Variants in RBL2 observed in about 807,000 individuals in gnomAD.
RBL2 encodes the protein retinoblastoma-like protein 2.
In RBL2, 56 loss-of-function variants were observed where a neutral mutation model predicts 126.0. The observed-to-expected ratio is 0.44, with a 90% CI of 0.36 to 0.56. The LOEUF (loss-of-function observed/expected upper bound fraction) is 0.56, where lower values mean the gene tolerates loss of function less well. RBL2 is among the 20% of genes least tolerant of loss of function. The pLI is 0.00. For synonymous variants in RBL2, 454 were observed against 478.5 expected (o/e 0.95, Z 0.67); for missense variants, 1,229 against 1,398.2 (o/e 0.88, Z 1.93).
At position 53,459,583 on chromosome 16, in the gene RBL2, A is replaced by G. The variant is rs775058646; in HGVS notation, c.1312A>G (p.Asn438Asp). The G allele has an allele frequency of 6.3e-7, 1 of 1,578,000 alleles. No individual in the cohort carries two copies. The highest frequency in any genetic ancestry group is 2.0e-5 in the Admixed American group (1 of 50,394). Residue 438 changes from asparagine (N) to aspartate (D), a missense_variant, in exon 9 of 22, where the codon AAT (asparagine) becomes GAT (aspartate). By Grantham distance (23) the Asn-to-Asp change is conservative (BLOSUM62 1). Transcript: ENST00000262133. ...TCACACCATGCTGACAGGCCTCAGG[A>G]ATGCACCAAGTGAGAAACTGGAACA... ...RLHTMLTGLRNAPSEKLEQIL... is the reference protein window; with the variant it reads ...RLHTMLTGLRDAPSEKLEQIL...
chr16:53,485,881 C>T (rs1038447237), intron 21 of RBL2, among the ~76,000 whole-genome samples: 1 of 148,928 alleles, frequency 6.7e-6, no homozygotes, highest in African/African-American at 2.6e-5. Context: ...AAACAAAAAA[C>T]CACCTAGGTA....
At chr16:53,457,111 G>A (rs1330821396) in intron 8 of RBL2, among the ~76,000 whole-genome samples, 1 of 151,932 alleles carries the variant, frequency 6.6e-6, no homozygotes, top group Non-Finnish European at 1.5e-5. Flanking sequence ...AGGGTTATTA[G>A]CATGTTAAAT....
intron 4 of RBL2, chr16:53,449,525 G>A (rs560901492): frequency 8.6e-5 from 13 of 150,510 alleles, no homozygotes; most frequent in African/African-American, 2.9e-4. Flanking sequence ...AACCTGGGAA[G>A]CGGAGGCTGC....
At chr16:53,465,983 C>G (rs2058269097) in intron 13 of RBL2, 1 of 154,876 alleles carries the variant, frequency 6.5e-6, no homozygotes, top group African/African-American at 2.4e-5. Context: ...TCTTTGCCTA[C>G]TATGTGTGTG....
At chr16:53,479,757 A>C (rs1416808102) in intron 18 of RBL2, 129 bp from the exon 19 acceptor site, 3 of 618,456 alleles carry the variant, frequency 4.9e-6, no homozygotes, top group African/African-American at 3.7e-5. Context: ...ATGTTTCTCA[A>C]CCTGTTCTGA....
intron 11 of RBL2, among the ~76,000 whole-genome samples, chr16:53,462,995 C>T (rs898299668): frequency 2.0e-5 from 3 of 152,210 alleles, no homozygotes; most frequent in Admixed American, 6.5e-5. Flanking sequence ...CATGTGCCAC[C>T]ATGCCCAGCT....
At chr16:53,436,561 G>T (rs1343575234) in intron 1 of RBL2, among the ~76,000 whole-genome samples, 4 of 152,224 alleles carry the variant, frequency 2.6e-5, no homozygotes, top group Admixed American at 6.5e-5. Context: ...GGGGCTTACA[G>T]TGAGGTACGC....
At chr16:53,447,160 G>T (rs1047822029) in intron 4 of RBL2, 54 bp downstream of exon 4, 31 of 1,043,084 alleles carry the variant, frequency 3.0e-5, no homozygotes, top group African/African-American at 4.9e-5. Context: ...ACATTTTCAG[G>T]TATTAATTTT....
intron 1 of RBL2, among the ~76,000 whole-genome samples, chr16:53,438,345 G>A (rs762863662): frequency 6.6e-5 from 10 of 152,176 alleles, no homozygotes; most frequent in African/African-American, 1.7e-4. Context: ...TCAGGACTCC[G>A]AAGGCACATG....
At chr16:53,466,631 A>G (rs1055216724) in intron 13 of RBL2, 11 of 172,546 alleles carry the variant, frequency 6.4e-5, no homozygotes, top group Non-Finnish European at 4.9e-5. Context: ...GTGAGAATCT[A>G]ATGCCACCAC....
chr16:53,469,366 T>G (rs1469362262), intron 14 of RBL2, among the ~76,000 whole-genome samples: 4 of 152,224 alleles, frequency 2.6e-5, no homozygotes, highest in Admixed American at 2.6e-4. Flanking sequence ...ATGTCCACCT[T>G]GCTTAAGAAC....
chr16:53,442,738 G>A lies in RBL2; in HGVS notation c.452G>A (p.Arg151Lys). The change falls in exon 3 of 22, where the codon AGA becomes AAA. Residue 151 changes from arginine to lysine, a missense_variant. Physicochemically the swap from Arg to Lys is conservative, Grantham distance 26 (BLOSUM62 2). This residue lies in a region of RBL2 where 1,070 missense variants were observed against 1,274.3 expected (regional missense o/e 0.84). Coordinates refer to ENST00000262133, the MANE Select transcript of RBL2 (RefSeq NM_005611.4). ...CCACATTTCAGAGAACGTACTGAGA[G>A]ATTAGAAAGAAACTTCACTGTTTCT... is the stretch of plus-strand genomic sequence containing the variant. ...LPPHFRERTERLERNFTVSAV... is the reference protein window; with the variant it reads ...LPPHFRERTEKLERNFTVSAV... 5.6e-6 allele frequency: 9 copies of A among 1,613,544 alleles called. No individual in the cohort carries two copies. The highest frequency in any genetic ancestry group is 7.6e-6 in the Non-Finnish European group (9 of 1,179,532).
At position 53,470,878 on chromosome 16, in the gene RBL2, C is replaced by A; in HGVS notation, c.2659C>A (p.His887Asn). 6.2e-7 allele frequency: 1 copy of A among 1,613,884 alleles called. No individual in the cohort carries two copies. The change falls in exon 17 of 22, where the codon CAT becomes AAT. Residue 887 changes from histidine to asparagine, a missense_variant. By Grantham distance (68) the His-to-Asn change is moderately conservative. Transcript: ENST00000262133. ...IQCPELMMDRHLDQLLMCAIY... is the reference protein window; with the variant it reads ...IQCPELMMDRNLDQLLMCAIY... Reference sequence around the variant, plus strand: ...GTGTCCTGAACTTATGATGGACAGACATCTGGACCAGTTATTAATGTGTGC... The same window carrying A: ...GTGTCCTGAACTTATGATGGACAGAAATCTGGACCAGTTATTAATGTGTGC...
chr16:53,454,925 G>T, intron 8 of RBL2, 83 bp downstream of exon 8: 11 of 1,234,746 alleles, frequency 8.9e-6, no homozygotes, highest in Non-Finnish European at 1.2e-5. Flanking sequence ...TTTCATGTTT[G>T]TGTTTTACTT....
At chr16:53,447,751 TCTC>T (rs10540820) in intron 4 of RBL2, among the ~76,000 whole-genome samples, 7,203 of 151,944 alleles carry the variant, frequency 0.047, 503 homozygotes, top group African/African-American at 0.16. Flanking sequence ...TTCAAGTAAT[TCTC>T]CTGCCTCAGC....
chr16:53,487,084 A>G (rs1961206565), intron 21 of RBL2, among the ~76,000 whole-genome samples: 1 of 152,240 alleles, frequency 6.6e-6, no homozygotes, highest in African/African-American at 2.4e-5. Context: ...ATTGAATGAA[A>G]ATAATACCTT....
In RBL2 at chr16:53,490,169, A is replaced by C. The variant is rs1366731250; in HGVS notation, c.3289A>C (p.Thr1097Pro). The change falls in exon 22 of 22, where the codon ACT becomes CCT. Residue 1097 changes from threonine (T) to proline (P), a missense_variant. Physicochemically the swap from Thr to Pro is conservative, Grantham distance 38 (BLOSUM62 -1). Around this residue, in one of 2 missense-constraint regions of RBL2, gnomAD observed 1,070 missense variants for 1,274.3 expected, o/e 0.84. Transcript: ENST00000262133. ...EINSMIRTGE[T>P]PTKKRGILLE... ...TAATAGTATGATACGCACAGGAGAAACTCCTACTAAAAAGAGAGGAATTCT... is the reference window on the plus strand; with the variant it reads ...TAATAGTATGATACGCACAGGAGAACCTCCTACTAAAAAGAGAGGAATTCT... The C allele has an allele frequency of 6.2e-7, 1 of 1,611,594 alleles. No individual in the cohort carries two copies. The highest frequency in any genetic ancestry group is 1.1e-5 in the South Asian group (1 of 90,628).
chr16:53,446,616 T>A (rs1377030703), intron 3 of RBL2, among the ~76,000 whole-genome samples: 4 of 152,210 alleles, frequency 2.6e-5, no homozygotes, highest in Admixed American at 2.6e-4. Flanking sequence ...CTTTTGTGAT[T>A]TGATATAGTC....
intron 1 of RBL2, among the ~76,000 whole-genome samples, chr16:53,436,220 CT>C (rs2057957419): frequency 6.6e-6 from 1 of 151,948 alleles, no homozygotes; most frequent in African/African-American, 2.4e-5. Context: ...CAAACAAGCT[CT>C]TATTTTACCC....
Sources: allele counts gnomAD v4.1 joint callset (sites outside exome capture counted in the v4.1 genomes callset), GRCh38; gene constraint gnomAD v4.1.1; regional missense constraint gnomAD v4.1.1; transcripts MANE v1.5; gene names NCBI Gene and HGNC (gene_info 2026-07-23, HGNC 2026-07-21).